The following ENTPD7 variants were observed in gnomAD, a reference collection of about 807,000 sequenced individuals.
ENTPD7 encodes ectonucleoside triphosphate diphosphohydrolase 7, also known as NTPDase 7.
In ENTPD7, 53 loss-of-function variants were observed where a neutral mutation model predicts 77.9. That is an observed-to-expected ratio of 0.68 (90% CI 0.55 to 0.85). ENTPD7 has a LOEUF of 0.85. ENTPD7 is among the 40% of genes least tolerant of loss of function. The probability of loss-of-function intolerance (pLI) is 0.00; values close to 1 mark genes in which losing one functional copy is unlikely to be tolerated. For missense variants in ENTPD7, 636 were observed against 743.7 expected (o/e 0.86, Z 1.68); for synonymous variants, 248 against 274.9 (o/e 0.90, Z 0.97).
At chr10:99,694,560 G>T (rs2035939931) in intron 8 of ENTPD7, among the ~76,000 whole-genome samples, 1 of 142,904 alleles carries the variant, frequency 7.0e-6, no homozygotes, top group African/African-American at 2.6e-5. Flanking sequence ...TTTTGAGATG[G>T]GGTTTCACTC....
intron 11 of ENTPD7, among the ~76,000 whole-genome samples, chr10:99,701,290 ATTT>A (rs66537004): frequency 2.7e-4 from 39 of 146,886 alleles, no homozygotes; most frequent in East Asian, 4.0e-4. Flanking sequence ...AACAAAAGTG[ATTT>A]TTTTTTTTTT....
chr10:99,710,626 G>C lies in ENTPD7; in HGVS notation c.*5943G>C, dbSNP rs1352304283. 2.0e-6 allele frequency: 2 copies of C among 985,222 alleles called. No homozygotes were observed. The highest frequency in any genetic ancestry group is 1.7e-5 in the African/African-American group (1 of 57,220). 61.0% of individuals were successfully genotyped at this position (985,222 alleles called of 1,614,324 possible). ...GAAAATGTGTGATGCATGTTAGAGA[G>C]GTGATGCATTCTCCCTTATGCAGGG... is the stretch of plus-strand genomic sequence containing the variant. On this transcript the variant is annotated 3_prime_UTR_variant, in exon 13 of 13. Coordinates refer to ENST00000370489, the MANE Select transcript of ENTPD7 (RefSeq NM_020354.5).
Position 99,709,674 on chromosome 10 carries a change from C to T in ENTPD7, c.*4991C>T. 1 of 985,370 alleles carries T rather than the reference C, an allele frequency of 1.0e-6. No individual in the cohort carries two copies. The highest frequency in any genetic ancestry group is 1.2e-6 in the Non-Finnish European group (1 of 829,920). 61.0% of individuals were successfully genotyped at this position (985,370 alleles called of 1,614,324 possible). A position where few individuals can be genotyped will look rare whatever the true frequency, so the allele number is the denominator to read the frequency against. The stretch of plus-strand genomic sequence containing the variant: ...AGCTGTGGCACCCTGTTTGGGTGTC[C>T]CATCTACCCTGTTTTCTGTTTCTGC... On this transcript the variant is annotated 3_prime_UTR_variant, in exon 13 of 13. Coordinates refer to ENST00000370489, the MANE Select transcript of ENTPD7 (RefSeq NM_020354.5).
chr10:99,700,874 C>A, intron 10 of ENTPD7, 99 bp from the exon 11 acceptor site: 1 of 939,294 alleles, frequency 1.1e-6, no homozygotes, highest in Non-Finnish European at 1.7e-6. Flanking sequence ...CAGCTGGTAG[C>A]CCACAAGTAA....
intron 7 of ENTPD7, among the ~76,000 whole-genome samples, chr10:99,689,322 G>C (rs1024665846): frequency 3.3e-5 from 5 of 152,100 alleles, no homozygotes; most frequent in African/African-American, 1.2e-4. Context: ...GTCATGCATT[G>C]CATTTGATTA....
intron 6 of ENTPD7, among the ~76,000 whole-genome samples, chr10:99,687,259 CTTTTTTTTTTTTT>C (rs71009768): frequency 6.8e-5 from 2 of 29,526 alleles, no homozygotes; most frequent in East Asian, 2.7e-3. Flanking sequence ...TTCTTTCTTT[CTTTTTTTTTTTTT>C]TTTTTTTTTT....
intron 9 of ENTPD7, among the ~76,000 whole-genome samples, chr10:99,696,830 A>G (rs1590055438): frequency 6.6e-6 from 1 of 152,332 alleles, no homozygotes; most frequent in East Asian, 1.9e-4. Flanking sequence ...TTTGGAATGA[A>G]ACCAGTTTAA....
intron 3 of ENTPD7, among the ~76,000 whole-genome samples, chr10:99,665,412 A>G (rs2133439830): frequency 6.6e-6 from 1 of 152,270 alleles, no homozygotes; most frequent in African/African-American, 2.4e-5. Context: ...ATTTCCTGGA[A>G]TCTTTTTTGG....
chr10:99,692,351 C>T (rs1417779957), intron 8 of ENTPD7, among the ~76,000 whole-genome samples: 1 of 152,278 alleles, frequency 6.6e-6, no homozygotes, highest in East Asian at 1.9e-4. Context: ...AAAGTGTCTC[C>T]AGACATTACC....
intron 3 of ENTPD7, among the ~76,000 whole-genome samples, chr10:99,666,899 A>G (rs991760929): frequency 2.6e-5 from 4 of 152,250 alleles, no homozygotes; most frequent in Non-Finnish European, 4.4e-5. Context: ...TTGCACCATC[A>G]TAAAGCTGAA....
intron 5 of ENTPD7, among the ~76,000 whole-genome samples, chr10:99,681,207 G>A (rs2035748985): frequency 1.3e-5 from 2 of 152,150 alleles, no homozygotes. Flanking sequence ...TTGAGATCCT[G>A]ATTTTAAATC....
chr10:99,685,253 G>A (rs1337886415), intron 5 of ENTPD7, among the ~76,000 whole-genome samples: 2 of 152,024 alleles, frequency 1.3e-5, no homozygotes, highest in Non-Finnish European at 2.9e-5. Flanking sequence ...GTGAAACTCC[G>A]TCTCAAAAAA....
chr10:99,660,040 G>A, intron 2 of ENTPD7, 76 bp downstream of exon 2: 1 of 1,607,526 alleles, frequency 6.2e-7, no homozygotes, highest in Non-Finnish European at 8.5e-7. Flanking sequence ...CTGGGAGGCT[G>A]TCCCAAGTGA....
chr10:99,660,590 G>T (rs372100562), intron 2 of ENTPD7: 2 of 256,680 alleles, frequency 7.8e-6, no homozygotes, highest in Non-Finnish European at 1.6e-5. Context: ...ATATATTGGT[G>T]TATATTTATG....
chr10:99,660,538 A>G (rs1052532008), intron 2 of ENTPD7: 46 of 337,570 alleles, frequency 1.4e-4, no homozygotes, highest in Middle Eastern at 4.3e-4. Flanking sequence ...ACACACACAC[A>G]CACACACACA....
intron 3 of ENTPD7, among the ~76,000 whole-genome samples, chr10:99,665,823 G>A (rs536619422): frequency 4.6e-5 from 7 of 152,252 alleles, no homozygotes; most frequent in Admixed American, 1.3e-4. Context: ...TTGCAGGCAT[G>A]AGTACCATGC....
At chr10:99,667,092 T>A (rs77146290) in intron 3 of ENTPD7, among the ~76,000 whole-genome samples, 2 of 152,346 alleles carry the variant, frequency 1.3e-5, no homozygotes, top group Non-Finnish European at 2.9e-5. Context: ...GTAGGTTGAA[T>A]TAATTGAAAC....
In ENTPD7 at chr10:99,694,538, GT is replaced by G. The variant is rs150413650; in HGVS notation, c.844-1403del. Among the ~76,000 whole-genome samples, 492 of 134,410 alleles carry G rather than the reference GT, an allele frequency of 3.7e-3. 5 individuals carry two copies. Among genetic ancestry groups the G allele is most frequent in the African/African-American group, 0.013 (450 of 35,946 alleles). 88.2% of individuals were successfully genotyped at this position (134,410 alleles called of 152,430 possible). Reference sequence around the variant, plus strand: ...TTTTTCTATGTACATAAGTTTTTTTGTTTTTTTTTTTTTTTGAGATGGGGTT... The same window carrying G: ...TTTTTCTATGTACATAAGTTTTTTTGTTTTTTTTTTTTTTGAGATGGGGTT... On this transcript the variant is annotated intron_variant, in intron 8 of 12. Transcript: ENST00000370489.
intron 3 of ENTPD7, among the ~76,000 whole-genome samples, chr10:99,664,333 T>G (rs921088832): frequency 6.6e-6 from 1 of 152,104 alleles, no homozygotes; most frequent in Non-Finnish European, 1.5e-5. Flanking sequence ...CGATCATAGC[T>G]CACTATAACC....
Sources: gnomAD v4.1 joint callset for allele counts (sites outside exome capture counted in the v4.1 genomes callset) on GRCh38, gnomAD v4.1.1 for gene constraint, MANE v1.5 for transcripts, NCBI Gene and HGNC (gene_info 2026-07-23, HGNC 2026-07-21) for gene names.